The following ATP8B4 variants were observed in gnomAD, a reference collection of about 807,000 sequenced individuals.
ATP8B4 encodes probable phospholipid-transporting ATPase IM.
Under a neutral mutation model 145.6 loss-of-function variants are expected in ATP8B4, and 133 were observed. The ratio of observed to expected loss-of-function variants is 0.91; its 90% CI spans 0.79 to 1.05. The LOEUF is 1.05. Ranked by LOEUF, ATP8B4 falls within the 50% of genes least tolerant of loss-of-function variation. The pLI, the probability that ATP8B4 is intolerant of heterozygous loss-of-function variation, is 0.00. For synonymous variants in ATP8B4, 507 were observed against 492.9 expected, an observed-to-expected ratio of 1.03 and a Z score of -0.38; for missense variants, 1,458 against 1,425.2, an observed-to-expected ratio of 1.02 and a Z score of -0.37.
At chr15:50,129,906 C>T (rs2057333511) in intron 1 of ATP8B4, among the ~76,000 whole-genome samples, 1 of 141,940 alleles carries the variant, frequency 7.0e-6, no homozygotes, top group Admixed American at 7.4e-5. Flanking sequence ...CGAGATGGTG[C>T]CACTGCACTC....
intron 1 of ATP8B4, among the ~76,000 whole-genome samples, chr15:50,152,493 T>C (rs2044360724): frequency 6.6e-6 from 1 of 152,188 alleles, no homozygotes; most frequent in African/African-American, 2.4e-5. Context: ...TTCCATTTAA[T>C]TTGACAATTA....
intron 6 of ATP8B4, among the ~76,000 whole-genome samples, chr15:50,012,584 C>T (rs969434181): frequency 6.6e-6 from 1 of 152,196 alleles, no homozygotes; most frequent in Middle Eastern, 3.4e-3. Context: ...GGACAGAACC[C>T]TAACAAGAAG....
intron 1 of ATP8B4, among the ~76,000 whole-genome samples, chr15:50,131,745 CAT>C (rs1167730060): frequency 1.4e-5 from 2 of 142,676 alleles, no homozygotes; most frequent in African/African-American, 5.0e-5. Context: ...TTATTATATT[CAT>C]ATAATATTAT....
At chr15:50,106,830 G>T in intron 2 of ATP8B4, 109 bp downstream of exon 2, 2 of 1,087,294 alleles carry the variant, frequency 1.8e-6, no homozygotes, top group South Asian at 3.2e-5. Context: ...TCACTGAGCT[G>T]AACACCTAGA....
At chr15:50,163,324 C>A (rs1425601294) in intron 1 of ATP8B4, among the ~76,000 whole-genome samples, 1 of 152,228 alleles carries the variant, frequency 6.6e-6, no homozygotes, top group East Asian at 1.9e-4. Context: ...TTGGTAACTG[C>A]AGCTATATCT....
rs551315337 is a variant in ATP8B4 at position 49,870,089 on chromosome 15, AC to A, written c.3028-3606del. On this transcript the variant is annotated intron_variant, in intron 25 of 27. Coordinates refer to ENST00000284509, the MANE Select transcript of ATP8B4 (RefSeq NM_024837.4). Reference sequence around the variant, plus strand: ...TGTAGCATTGCCTTAATAGCAAAAAACATATAGAAACATCTTGTATGTTTAT... The same window carrying A: ...TGTAGCATTGCCTTAATAGCAAAAAAATATAGAAACATCTTGTATGTTTAT... 3.5e-3 allele frequency among the ~76,000 whole-genome samples: 539 copies of A among 152,292 alleles called. 4 individuals are homozygous for A. The highest frequency in any genetic ancestry group is 0.013 in the African/African-American group (523 of 41,562).
chr15:49,901,041 T>C (rs771577977), intron 21 of ATP8B4, 51 bp downstream of exon 21: 7 of 1,582,264 alleles, frequency 4.4e-6, no homozygotes, highest in Non-Finnish European at 5.2e-6. Context: ...ACAAAAGAGA[T>C]GATTATTGCA....
intron 20 of ATP8B4, among the ~76,000 whole-genome samples, chr15:49,908,756 T>C (rs1371911058): frequency 6.6e-6 from 1 of 152,082 alleles, no homozygotes; most frequent in East Asian, 1.9e-4. Context: ...ATTCCCCACC[T>C]GCAGCCACCA....
intron 6 of ATP8B4, among the ~76,000 whole-genome samples, chr15:50,038,533 G>A (rs557883555): frequency 6.6e-6 from 1 of 152,284 alleles, no homozygotes; most frequent in Admixed American, 6.5e-5. Flanking sequence ...AGATGTGTCT[G>A]TGTTCCATAA....
At chr15:49,981,161 C>G (rs1567134307) in intron 11 of ATP8B4, 45 bp downstream of exon 11, 1 of 1,403,546 alleles carries the variant, frequency 7.1e-7, no homozygotes, top group South Asian at 1.2e-5. Flanking sequence ...AGTAAATGTA[C>G]TAAGATAACA....
chr15:49,978,695 G>A (rs1452381926), intron 12 of ATP8B4, among the ~76,000 whole-genome samples: 1 of 149,458 alleles, frequency 6.7e-6, no homozygotes, highest in South Asian at 2.1e-4. Flanking sequence ...GATCAAAAAT[G>A]TCCCAGGTAC....
intron 2 of ATP8B4, among the ~76,000 whole-genome samples, chr15:50,080,124 C>T (rs1407900893): frequency 6.6e-6 from 1 of 152,128 alleles, no homozygotes; most frequent in African/African-American, 2.4e-5. Flanking sequence ...AGTGCTACTC[C>T]ATATAGGATG....
At chr15:49,879,345 A>T in intron 24 of ATP8B4, 31 bp downstream of exon 24, 1 of 1,564,194 alleles carries the variant, frequency 6.4e-7, no homozygotes, top group Non-Finnish European at 8.7e-7. Context: ...TAAAAGAGAA[A>T]CTAAGTTATA....
At chr15:49,979,200 T>C (rs1481698976) in intron 12 of ATP8B4, among the ~76,000 whole-genome samples, 1 of 152,082 alleles carries the variant, frequency 6.6e-6, no homozygotes, top group Non-Finnish European at 1.5e-5. Flanking sequence ...CCCAAGGTTA[T>C]GGAGCTAGTA....
intron 23 of ATP8B4, among the ~76,000 whole-genome samples, chr15:49,892,225 CAAG>C (rs2036904926): frequency 6.6e-6 from 1 of 151,332 alleles, no homozygotes; most frequent in South Asian, 2.1e-4. Flanking sequence ...GAATGTAAAT[CAAG>C]AGAACTTTCT....
intron 7 of ATP8B4, among the ~76,000 whole-genome samples, chr15:50,004,791 G>C (rs555917500): frequency 6.6e-6 from 1 of 152,180 alleles, no homozygotes; most frequent in Non-Finnish European, 1.5e-5. Flanking sequence ...ACAGTATGAG[G>C]CATATACTGC....
rs1324230228 is a variant in ATP8B4, at chr15:49,962,930, A to C, written c.1244-910T>G. 2.0e-5 allele frequency among the ~76,000 whole-genome samples: 3 copies of C among 151,182 alleles called. No individual in the cohort carries two copies. The East Asian group carries it at 5.8e-4, about 29-fold the overall frequency. On this transcript the variant is annotated intron_variant, in intron 13 of 27. Transcript: ENST00000284509. ...ACTATTTGCCAGGATTAAATTTCTT[A>C]TAATAATAATGAGTTACTTAAAGAA...
At position 50,181,771 on chromosome 15, in the gene ATP8B4, T is replaced by C. The variant is rs550291844; in HGVS notation, c.-43+490A>G. Reference sequence around the variant, plus strand: ...CAAAGAGAGACCAGGCGGAAAGCCCTTGGGACCAGGAAGGAGAGATGAGAT... The same window carrying C: ...CAAAGAGAGACCAGGCGGAAAGCCCCTGGGACCAGGAAGGAGAGATGAGAT... On this transcript the variant is annotated intron_variant, in intron 1 of 3. Coordinates refer to the ATP8B4 transcript ENST00000558829. Among the ~76,000 whole-genome samples the C allele has an allele frequency of 7.2e-5, 11 of 152,290 alleles. No homozygotes were observed. In the East Asian group the frequency reaches 2.1e-3, roughly 29 times the overall value.
At chr15:49,929,905 T>C (rs553355824) in intron 16 of ATP8B4, among the ~76,000 whole-genome samples, 45 of 151,978 alleles carry the variant, frequency 3.0e-4, no homozygotes, top group Non-Finnish European at 5.4e-4. Flanking sequence ...TCTTCTTGAG[T>C]AGAGGAAGAA....
Sources: gnomAD v4.1 joint callset for allele counts (sites outside exome capture counted in the v4.1 genomes callset) on GRCh38, gnomAD v4.1.1 for gene constraint, MANE v1.5 for transcripts, NCBI Gene and HGNC (gene_info 2026-07-23, HGNC 2026-07-21) for gene names.